MMP26: variants seen among roughly 807,000 people sequenced by gnomAD.
MMP26 encodes matrix metalloproteinase-26.
MMP26 carries 33 observed loss-of-function variants against 31.0 expected under a neutral mutation model. The observed-to-expected ratio is 1.06, with a 90% CI of 0.81 to 1.42. The LOEUF (loss-of-function observed/expected upper bound fraction) is 1.42. Ranked by LOEUF, MMP26 falls within the 40% of genes most tolerant of loss-of-function variation. The pLI is 0.00. For missense variants in MMP26, 347 were observed against 316.1 expected (o/e 1.10, Z -0.74); for synonymous variants, 122 against 114.9 (o/e 1.06, Z -0.40).
chr11:4,786,997 A>G (rs11033879), intron 2 of MMP26: 9,148 of 152,868 alleles, frequency 0.06, 367 homozygotes, highest in Admixed American at 0.11. Context: ...CACAATGCCC[A>G]CGACCCTCAG....
chr11:4,959,947 A>C (rs1846497884), intron 2 of MMP26, among the ~76,000 whole-genome samples: 1 of 152,150 alleles, frequency 6.6e-6, no homozygotes, highest in African/African-American at 2.4e-5. Context: ...AAATCAAAAC[A>C]TATGGCTGCT....
chr11:4,760,519 A>G (rs149608186), intron 1 of MMP26, among the ~76,000 whole-genome samples: 2 of 152,342 alleles, frequency 1.3e-5, no homozygotes, highest in East Asian at 3.9e-4. Context: ...GGATGGATAT[A>G]ATCTCACAAA....
intron 2 of MMP26, among the ~76,000 whole-genome samples, chr11:4,784,126 G>T (rs1848902940): frequency 6.6e-6 from 1 of 152,160 alleles, no homozygotes; most frequent in Non-Finnish European, 1.5e-5. Context: ...TAATTCAAAG[G>T]CTGGAGACTG....
intron 2 of MMP26, chr11:4,769,220 G>T: frequency 6.2e-7 from 1 of 1,613,864 alleles, no homozygotes; most frequent in Non-Finnish European, 8.5e-7. Flanking sequence ...CCATTCTTCA[G>T]GGGAGGCAAT....
At position 4,740,363 on chromosome 11, in the gene MMP26, AG is replaced by A. The variant is rs562369790; in HGVS notation, c.-216-26906del. Among the ~76,000 whole-genome samples, 275 of 152,304 alleles carry A rather than the reference AG, an allele frequency of 1.8e-3. 2 individuals carry two copies. Among genetic ancestry groups the A allele is most frequent in the Middle Eastern group, 6.8e-3 (2 of 294 alleles). Reference sequence around the variant, plus strand: ...AAAAAACGGTGGTCATAGGCAGAAAAGTCACAGCAGGAGGATTTACAAAGAA... The same window carrying A: ...AAAAAACGGTGGTCATAGGCAGAAAATCACAGCAGGAGGATTTACAAAGAA... On this transcript the variant is annotated intron_variant, in intron 1 of 7. Coordinates refer to ENST00000380390, the MANE Select transcript of MMP26 (RefSeq NM_021801.5).
At chr11:4,724,101 G>A (rs182099191) in intron 1 of MMP26, 3 of 638,996 alleles carry the variant, frequency 4.7e-6, no homozygotes, top group East Asian at 5.2e-5. Flanking sequence ...ACTCGTGTAG[G>A]AGCGGCTGCT....
chr11:4,749,132 A>G (rs1423466090), intron 1 of MMP26, among the ~76,000 whole-genome samples: 3 of 152,132 alleles, frequency 2.0e-5, no homozygotes, highest in Non-Finnish European at 4.4e-5. Flanking sequence ...AATCAGTAGC[A>G]TTTCTAAATA....
intron 2 of MMP26, among the ~76,000 whole-genome samples, chr11:4,899,456 A>T (rs563390218): frequency 1.3e-4 from 20 of 152,314 alleles, no homozygotes; most frequent in Admixed American, 3.9e-4. Context: ...AGTAAAGACT[A>T]CAACATTTAT....
At chr11:4,860,055 G>A (rs906495152) in intron 2 of MMP26, 2 of 471,110 alleles carry the variant, frequency 4.2e-6, no homozygotes, top group African/African-American at 4.0e-5. Context: ...TGGAATGGCA[G>A]AAGGGTAGGC....
intron 2 of MMP26, among the ~76,000 whole-genome samples, chr11:4,831,707 T>G (rs1466031200): frequency 3.3e-5 from 5 of 152,148 alleles, no homozygotes; most frequent in Admixed American, 3.3e-4. Flanking sequence ...GCTGTGACTA[T>G]AGCATGCATC....
intron 1 of MMP26, among the ~76,000 whole-genome samples, chr11:4,716,725 G>A (rs536927712): frequency 3.0e-5 from 4 of 134,652 alleles, no homozygotes; most frequent in South Asian, 2.5e-4. Context: ...GCAATGGTGC[G>A]ATCTCAGCTC....
chr11:4,849,033 A>C, intron 2 of MMP26: 1 of 1,614,136 alleles, frequency 6.2e-7, no homozygotes, highest in Non-Finnish European at 8.5e-7. Flanking sequence ...GGCGGGCTGC[A>C]GGGCAATGAT....
At chr11:4,884,802 G>C (rs763715000) in intron 2 of MMP26, among the ~76,000 whole-genome samples, 4 of 151,932 alleles carry the variant, frequency 2.6e-5, no homozygotes, top group Non-Finnish European at 4.4e-5. Flanking sequence ...TAATTTATTG[G>C]CTAAAAAGCC....
intron 2 of MMP26, among the ~76,000 whole-genome samples, chr11:4,863,098 C>T (rs1487373089): frequency 6.6e-6 from 1 of 152,124 alleles, no homozygotes; most frequent in Non-Finnish European, 1.5e-5. Context: ...AAATCTTTAA[C>T]ATTCCTTAAG....
At chr11:4,840,543 A>T (rs546729860) in intron 2 of MMP26, among the ~76,000 whole-genome samples, 2 of 152,356 alleles carry the variant, frequency 1.3e-5, no homozygotes, top group African/African-American at 4.8e-5. Flanking sequence ...CTGGTAATCC[A>T]GAGAATATTC....
chr11:4,804,334 A>G (rs1346397111), intron 2 of MMP26: 3 of 1,614,170 alleles, frequency 1.9e-6, no homozygotes, highest in Non-Finnish European at 2.5e-6. Flanking sequence ...TCCAAGCAGG[A>G]TGAAGGACAC....
chr11:4,818,917 G>A (rs1010874837), intron 2 of MMP26, among the ~76,000 whole-genome samples: 1 of 152,096 alleles, frequency 6.6e-6, no homozygotes, highest in East Asian at 1.9e-4. Flanking sequence ...ATTTGGAAAA[G>A]AGTATTTTGT....
chr11:4,935,372 C>T (rs1320494313), intron 2 of MMP26, among the ~76,000 whole-genome samples: 1 of 151,998 alleles, frequency 6.6e-6, no homozygotes, highest in Non-Finnish European at 1.5e-5. Flanking sequence ...ATTTGGCTCT[C>T]TGTTTGTCTG....
chr11:4,893,085 TC>T (rs1185516506), intron 2 of MMP26, among the ~76,000 whole-genome samples: 1 of 152,088 alleles, frequency 6.6e-6, no homozygotes, highest in South Asian at 2.1e-4. Flanking sequence ...TATGCCATTG[TC>T]AAAGTCATGT....
Sources: gnomAD v4.1 joint callset for allele counts (sites outside exome capture counted in the v4.1 genomes callset) on GRCh38, gnomAD v4.1.1 for gene constraint, MANE v1.5 for transcripts, NCBI Gene and HGNC (gene_info 2026-07-23, HGNC 2026-07-21) for gene names.